VPS51: variants seen among roughly 807,000 people sequenced by gnomAD.
VPS51 encodes the protein vacuolar protein sorting-associated protein 51 homolog.
A neutral mutation model predicts 65.1 loss-of-function variants in VPS51; 55 were observed. The observed-to-expected ratio is 0.84, with a 90% CI of 0.68 to 1.06. VPS51 has a LOEUF of 1.06. Among genes scored for constraint, VPS51 ranks in the 50% least tolerant of loss-of-function variants. VPS51 has a pLI of 0.00. For synonymous variants in VPS51, 473 were observed against 489.5 expected, an observed-to-expected ratio of 0.97 and a Z score of 0.44; for missense variants, 943 against 1,101.6, an observed-to-expected ratio of 0.86 and a Z score of 2.04.
At chr11:65,110,820 G>A (rs764913761) in intron 9 of VPS51, 39 bp downstream of exon 9, 2 of 1,612,472 alleles carry the variant, frequency 1.2e-6, no homozygotes, top group East Asian at 4.5e-5. Context: ...CAGGGATCCC[G>A]GGGAGGGTTG....
intron 2 of VPS51, among the ~76,000 whole-genome samples, chr11:65,100,637 TCTC>T (rs2137181702): frequency 6.6e-6 from 1 of 150,808 alleles, no homozygotes; most frequent in Admixed American, 6.7e-5. Flanking sequence ...TTCAAGCGAT[TCTC>T]CTGCCTCAGC....
chr11:65,111,216 C>T (rs1303530294), intron 9 of VPS51, 111 bp from the exon 10 acceptor site: 4 of 1,500,798 alleles, frequency 2.7e-6, no homozygotes, highest in Admixed American at 1.9e-5. Flanking sequence ...AGACTTTCTG[C>T]CTCATCCCAG....
intron 2 of VPS51, among the ~76,000 whole-genome samples, chr11:65,105,742 C>A (rs952736938): frequency 1.3e-5 from 2 of 152,246 alleles, no homozygotes; most frequent in Non-Finnish European, 2.9e-5. Context: ...CAGGTCAGGG[C>A]CTCAGGCCTC....
rs1235887252 is a variant in VPS51 at position 65,111,325 on chromosome 11, A to G, written c.2089-2A>G. 1 of 1,602,270 alleles carries G rather than the reference A, an allele frequency of 6.2e-7. No individual in the cohort carries two copies. Among genetic ancestry groups the G allele is most frequent in the Non-Finnish European group, 8.5e-7 (1 of 1,179,648 alleles). On this transcript the variant is annotated splice_acceptor_variant, in intron 9 of 9. Coordinates refer to ENST00000279281, the MANE Select transcript of VPS51 (RefSeq NM_013265.4). LOFTEE classifies it high-confidence loss of function. ...GCTGCATCCCTGTGTCCCTGCCTGC[A>G]GGTGTCGGTGCTGACCGGCATCATC...
Position 65,111,756 on chromosome 11 carries a change from A to G in VPS51, c.*169A>G. On this transcript the variant is annotated 3_prime_UTR_variant, in exon 10 of 10. Transcript: ENST00000279281. Reference sequence around the variant, plus strand: ...TTCCGGGGGCGGGGTTTTGAAGCTGAGGCTTCTGAGGCGCCCGCGTCGGGT... The same window carrying G: ...TTCCGGGGGCGGGGTTTTGAAGCTGGGGCTTCTGAGGCGCCCGCGTCGGGT... 8.3e-7 allele frequency: 1 copy of G among 1,204,250 alleles called. No homozygotes were observed. The highest frequency in any genetic ancestry group is 1.1e-6 in the Non-Finnish European group (1 of 889,180). 74.6% of individuals were successfully genotyped at this position (1,204,250 alleles called of 1,614,324 possible). A position where few individuals can be genotyped will look rare whatever the true frequency, so the allele number is the denominator to read the frequency against.
At chr11:65,105,585 C>T (rs1283086254) in intron 2 of VPS51, 6 of 152,060 alleles carry the variant, frequency 3.9e-5, no homozygotes, top group Admixed American at 2.6e-4. Flanking sequence ...AGCAGACACC[C>T]GCTGGGTGTC....
intron 2 of VPS51, among the ~76,000 whole-genome samples, chr11:65,100,525 GTTTTTTTTTTTTT>G (rs36120079): frequency 1.5e-5 from 1 of 65,614 alleles, no homozygotes; most frequent in East Asian, 4.8e-4. Context: ...TCATAGCAGT[GTTTTTTTTTTTTT>G]TTTTTTTTTT....
At position 65,111,805 on chromosome 11, in the gene VPS51, G is replaced by T; in HGVS notation, c.*218G>T. The T allele has an allele frequency of 2.1e-6, 2 of 955,056 alleles. No individual in the cohort carries two copies. Among genetic ancestry groups the T allele is most frequent in the Non-Finnish European group, 3.0e-6 (2 of 659,838 alleles). 59.2% of individuals were successfully genotyped at this position (955,056 alleles called of 1,614,324 possible). On this transcript the variant is annotated 3_prime_UTR_variant, in exon 10 of 10. Transcript: ENST00000279281. ...GTCCGCCCCCGAGCGCCGATTGGCT[G>T]GTGTGCTGGGCCCAGCATGGGCAGG...
In VPS51 at chr11:65,096,319, G is replaced by T; in HGVS notation, c.69G>T (p.Glu23Asp). 2.6e-6 allele frequency: 4 copies of T among 1,510,102 alleles called. No homozygotes were observed. The highest frequency in any genetic ancestry group is 3.5e-6 in the Non-Finnish European group (4 of 1,135,372). The allele number at this position is 1,510,102 out of a possible 1,614,324, so 93.5% of individuals were successfully genotyped here. A position where few individuals can be genotyped will look rare whatever the true frequency, so the allele number is the denominator to read the frequency against. The change falls in exon 1 of 10, where the codon GAG (glutamate) becomes GAT (aspartate). Residue 23 changes from glutamate to aspartate, a missense_variant. By Grantham distance (45) the Glu-to-Asp change is conservative. Around this residue, in one of 2 missense-constraint regions of VPS51, gnomAD observed 855 missense variants for 953.7 expected, o/e 0.90. Coordinates refer to ENST00000279281, the MANE Select transcript of VPS51 (RefSeq NM_013265.4). ...CTGGGGACTCCCCAGAAGGGCCCGA[G>T]GGGGAGGCTCCGGAGCGTCGGCGGA... Reference protein sequence around the residue: ...SGPGDSPEGPEGEAPERRRKA... With the variant: ...SGPGDSPEGPDGEAPERRRKA...
chr11:65,108,913 G>A lies in VPS51; in HGVS notation c.1442G>A (p.Arg481Gln), dbSNP rs563771562. Reference protein sequence around the residue: ...EVSFSNKPYFRGEFCSQGVRE... With the variant: ...EVSFSNKPYFQGEFCSQGVRE... ...TCCTTCTCCAACAAGCCCTACTTCCGGGTACGCCTCCTCTTGGGTGTTCCT... is the reference window on the plus strand; with the variant it reads ...TCCTTCTCCAACAAGCCCTACTTCCAGGTACGCCTCCTCTTGGGTGTTCCT... The change falls in exon 5 of 10, where the codon CGG becomes CAG. Residue 481 changes from arginine (R) to glutamine (Q), a missense_variant and splice_region_variant. Arg to Gln is a conservative substitution (Grantham distance 43). Around this residue, in one of 2 missense-constraint regions of VPS51, gnomAD observed 855 missense variants for 953.7 expected, o/e 0.90. Transcript: ENST00000279281. The A allele has an allele frequency of 2.2e-5, 35 of 1,612,864 alleles. No homozygotes were observed. The highest frequency in any genetic ancestry group is 2.9e-5 in the Non-Finnish European group (34 of 1,179,922).
chr11:65,102,952 G>T (rs1947818633), intron 2 of VPS51, among the ~76,000 whole-genome samples: 1 of 151,658 alleles, frequency 6.6e-6, no homozygotes, highest in Admixed American at 6.6e-5. Context: ...GACCAGCCTG[G>T]GCAACATAGA....
chr11:65,101,818 G>A (rs1304972615), intron 2 of VPS51, among the ~76,000 whole-genome samples: 1 of 141,244 alleles, frequency 7.1e-6, no homozygotes, highest in Non-Finnish European at 1.5e-5. Flanking sequence ...ACAGAAAAGT[G>A]CACATAAGTG....
At chr11:65,101,582 A>G (rs534480358) in intron 2 of VPS51, among the ~76,000 whole-genome samples, 1 of 151,754 alleles carries the variant, frequency 6.6e-6, no homozygotes, top group South Asian at 2.1e-4. Flanking sequence ...CATCCTGGCC[A>G]ACAGGTTATA....
intron 5 of VPS51, 93 bp downstream of exon 5, chr11:65,109,007 AC>A: frequency 7.0e-7 from 1 of 1,432,090 alleles, no homozygotes; most frequent in Non-Finnish European, 9.7e-7. Context: ...GAAACCAGGC[AC>A]TCTGGGTGTG....
chr11:65,096,391 G>A lies in VPS51; in HGVS notation c.141G>A (p.Glu47=). Residue 47 remains glutamate (E), a synonymous_variant, in exon 1 of 10, where the codon GAG becomes GAA. Coordinates refer to ENST00000279281, the MANE Select transcript of VPS51 (RefSeq NM_013265.4). ...TTTACTACGGCCTCTCGGAAGGGGA[G>A]GCGGCGGGACGCCCCGCGGGGCCCG... ...LKLYYGLSEG[E]AAGRPAGPDP... is the part of the protein sequence containing the mutation. 1.3e-6 allele frequency: 2 copies of A among 1,534,124 alleles called. No individual in the cohort carries two copies. Among genetic ancestry groups the A allele is most frequent in the African/African-American group, 1.4e-5 (1 of 70,524 alleles).
intron 2 of VPS51, among the ~76,000 whole-genome samples, chr11:65,100,691 C>T (rs887966157): frequency 2.0e-5 from 3 of 151,832 alleles, no homozygotes; most frequent in African/African-American, 4.8e-5. Flanking sequence ...CCATCACACC[C>T]GCCTAATTTT....
chr11:65,097,003 T>C lies in VPS51; in HGVS notation c.234T>C (p.Arg78=). The C allele has an allele frequency of 1.9e-6, 3 of 1,613,526 alleles. No individual in the cohort carries two copies. Among genetic ancestry groups the C allele is most frequent in the Non-Finnish European group, 2.5e-6 (3 of 1,180,012 alleles). The change falls in exon 2 of 10, where the codon CGT becomes CGC. Residue 78 remains arginine (R), a synonymous_variant. Transcript: ENST00000279281. The part of the protein sequence containing the change: ...FDPEVYLDKL[R]RECPLAQLMD... ...TAACCACCCAACTTCTTCAGCTGCG[T>C]AGAGAGTGCCCTCTGGCCCAGTTGA...
At chr11:65,102,094 T>A (rs1947813246) in intron 2 of VPS51, among the ~76,000 whole-genome samples, 1 of 148,052 alleles carries the variant, frequency 6.8e-6, no homozygotes, top group African/African-American at 2.5e-5. Flanking sequence ...ATCGGCTCAC[T>A]GCAACCTCCG....
intron 2 of VPS51, 162 bp downstream of exon 2, chr11:65,097,289 A>T (rs1250292825): frequency 9.3e-7 from 1 of 1,078,244 alleles, no homozygotes; most frequent in Non-Finnish European, 1.3e-6. Context: ...TCGTTGTCAG[A>T]CTACTATAGA....
Sources: allele counts gnomAD v4.1 joint callset (sites outside exome capture counted in the v4.1 genomes callset), GRCh38; gene constraint gnomAD v4.1.1; regional missense constraint gnomAD v4.1.1; transcripts MANE v1.5; gene names NCBI Gene and HGNC (gene_info 2026-07-23, HGNC 2026-07-21).